Variants in RBPJ observed in about 807,000 individuals in gnomAD.
The protein encoded by RBPJ is recombination signal binding protein for immunoglobulin kappa J region, also known as recombining binding protein suppressor of hairless.
Under a neutral mutation model 67.8 loss-of-function variants are expected in RBPJ, and 9 were observed. The ratio of observed to expected loss-of-function variants is 0.13; its 90% CI spans 0.08 to 0.23. RBPJ has a LOEUF of 0.23. Ranked by LOEUF, RBPJ falls within the 10% of genes least tolerant of loss-of-function variation. The probability of loss-of-function intolerance (pLI) is 1.00; values close to 1 mark genes in which losing one functional copy is unlikely to be tolerated. For synonymous variants in RBPJ, 198 were observed against 203.3 expected (o/e 0.97, Z 0.22); for missense variants, 305 against 595.6 (o/e 0.51, Z 5.08).
At chr4:26,248,193 A>G (rs1435294750) in intron 1 of RBPJ, among the ~76,000 whole-genome samples, 1 of 152,106 alleles carries the variant, frequency 6.6e-6, no homozygotes, top group African/African-American at 2.4e-5. Context: ...CAGGAGGGTG[A>G]GGCAGGAGAA....
intron 1 of RBPJ, among the ~76,000 whole-genome samples, chr4:26,344,535 G>T (rs916191160): frequency 6.6e-6 from 1 of 152,084 alleles, no homozygotes; most frequent in African/African-American, 2.4e-5. Flanking sequence ...GCGCCCGGCT[G>T]CTAACTATAA....
At chr4:26,297,124 G>A (rs991629729) in intron 1 of RBPJ, among the ~76,000 whole-genome samples, 3 of 151,942 alleles carry the variant, frequency 2.0e-5, no homozygotes, top group African/African-American at 7.3e-5. Context: ...GCGAGCCCCG[G>A]TTTCTATGAA....
intron 3 of RBPJ, among the ~76,000 whole-genome samples, chr4:26,409,531 G>C (rs1184171479): frequency 6.6e-6 from 1 of 151,974 alleles, no homozygotes; most frequent in African/African-American, 2.4e-5. Flanking sequence ...ACAGAGTCTC[G>C]CCTTGTTGCC....
chr4:26,326,576 C>A (rs1723649212), intron 1 of RBPJ, among the ~76,000 whole-genome samples: 1 of 152,130 alleles, frequency 6.6e-6, no homozygotes, highest in African/African-American at 2.4e-5. Flanking sequence ...ACTCAGGTCT[C>A]ATGGACATAT....
At chr4:26,273,125 G>A (rs769545366) in intron 1 of RBPJ, among the ~76,000 whole-genome samples, 1 of 152,106 alleles carries the variant, frequency 6.6e-6, no homozygotes, top group Admixed American at 6.6e-5. Flanking sequence ...TCATTTGCAG[G>A]ACTACCTTTT....
At chr4:26,255,170 C>T (rs1425993917) in intron 1 of RBPJ, among the ~76,000 whole-genome samples, 6 of 144,452 alleles carry the variant, frequency 4.2e-5, no homozygotes, top group Non-Finnish European at 7.5e-5. Context: ...TTTGGGAGGC[C>T]AAGGCGGGTG....
intron 1 of RBPJ, among the ~76,000 whole-genome samples, chr4:26,222,633 A>AAT (rs10673072): frequency 0.47 from 63,110 of 135,578 alleles, 14,647 homozygotes; most frequent in Middle Eastern, 0.56. Context: ...TGTACTCTGA[A>AAT]ATATATATAT....
intron 1 of RBPJ, among the ~76,000 whole-genome samples, chr4:26,180,179 G>A (rs184891954): frequency 3.3e-5 from 5 of 152,224 alleles, no homozygotes; most frequent in Admixed American, 3.3e-4. Context: ...TTTGAGGGTG[G>A]AGGGCGGGAG....
At chr4:26,268,786 T>C (rs565221654) in intron 1 of RBPJ, among the ~76,000 whole-genome samples, 33 of 152,158 alleles carry the variant, frequency 2.2e-4, no homozygotes, top group African/African-American at 7.7e-4. Context: ...TTCAGGTGAA[T>C]ATTCATCCCC....
intron 1 of RBPJ, among the ~76,000 whole-genome samples, chr4:26,166,979 T>A (rs946012456): frequency 2.0e-5 from 3 of 152,232 alleles, no homozygotes; most frequent in Non-Finnish European, 4.4e-5. Context: ...AGGGACTCTT[T>A]CCCCATTGCT....
At chr4:26,377,623 T>G (rs1729885929) in intron 1 of RBPJ, among the ~76,000 whole-genome samples, 2 of 152,238 alleles carry the variant, frequency 1.3e-5, no homozygotes, top group African/African-American at 2.4e-5. Context: ...TATTTCTCTT[T>G]GTGGAAAACC....
intron 1 of RBPJ, among the ~76,000 whole-genome samples, chr4:26,379,781 C>T (rs1320582843): frequency 6.6e-6 from 1 of 152,118 alleles, no homozygotes; most frequent in Admixed American, 6.6e-5. Context: ...TGCTTTATTG[C>T]CCAAGGCTGG....
At chr4:26,429,320 A>C (rs984161453) in intron 8 of RBPJ, among the ~76,000 whole-genome samples, 7 of 152,370 alleles carry the variant, frequency 4.6e-5, no homozygotes, top group African/African-American at 1.2e-4. Context: ...GAAGGCTTTC[A>C]TGAGGTTATG....
chr4:26,171,390 A>C (rs1055536386), intron 1 of RBPJ, among the ~76,000 whole-genome samples: 8 of 152,136 alleles, frequency 5.3e-5, no homozygotes, highest in Non-Finnish European at 1.2e-4. Flanking sequence ...TATTTTCAGA[A>C]GTCCTGCACA....
intron 1 of RBPJ, among the ~76,000 whole-genome samples, chr4:26,214,224 A>C (rs1306605108): frequency 6.8e-6 from 1 of 148,094 alleles, no homozygotes; most frequent in Non-Finnish European, 1.5e-5. Flanking sequence ...AAAGCAAAGG[A>C]AGGAGAGAAA....
chr4:26,145,957 A>G, the RBPJ span, among the ~76,000 whole-genome samples: 4 of 152,154 alleles, frequency 2.6e-5, no homozygotes, highest in Admixed American at 1.3e-4. Flanking sequence ...TGTTTTTTAG[A>G]GACAGGATCT....
At chr4:26,401,419 G>A (rs1438156816) in intron 2 of RBPJ, among the ~76,000 whole-genome samples, 1 of 152,204 alleles carries the variant, frequency 6.6e-6, no homozygotes, top group Non-Finnish European at 1.5e-5. Flanking sequence ...GTACATAATA[G>A]TGTTACCCTC....
chr4:26,305,636 A>G (rs1370477875), intron 1 of RBPJ, among the ~76,000 whole-genome samples: 1 of 151,960 alleles, frequency 6.6e-6, no homozygotes, highest in Non-Finnish European at 1.5e-5. Context: ...TTCTTAGTTT[A>G]ATTTTCAGAT....
At position 26,341,633 on chromosome 4, in the gene RBPJ, C is replaced by CA. The variant is rs35755502; in HGVS notation, c.20+20594dup. 6.6e-3 allele frequency among the ~76,000 whole-genome samples: 953 copies of CA among 144,442 alleles called. 20 individuals are homozygous for CA. The highest frequency in any genetic ancestry group is 0.022 in the African/African-American group (878 of 39,184). 94.8% of individuals were successfully genotyped at this position (144,442 alleles called of 152,430 possible). A position where few individuals can be genotyped will look rare whatever the true frequency, so the allele number is the denominator to read the frequency against. On this transcript the variant is annotated intron_variant, in intron 1 of 10. Transcript: ENST00000355476. ...CATCTCAAAACAAAACAAAACAAAA[C>CA]AAAAAAAAACCAAACGAAAACAAAA...
Sources: gnomAD v4.1 joint callset for allele counts (sites outside exome capture counted in the v4.1 genomes callset) on GRCh38, gnomAD v4.1.1 for gene constraint, MANE v1.5 for transcripts, NCBI Gene and HGNC (gene_info 2026-07-23, HGNC 2026-07-21) for gene names.